The following PYGO1 variants were observed in gnomAD, a reference collection of about 807,000 sequenced individuals.
PYGO1 encodes the protein pygopus family PHD finger 1, also known as pygopus homolog 1.
Under a neutral mutation model 29.5 loss-of-function variants are expected in PYGO1, and 6 were observed. The observed-to-expected ratio is 0.20, with a 90% confidence interval of 0.11 to 0.40. The LOEUF (loss-of-function observed/expected upper bound fraction) is 0.40. Among genes scored for constraint, PYGO1 ranks in the 10% least tolerant of loss-of-function variants. The pLI, the probability that PYGO1 is intolerant of heterozygous loss-of-function variation, is 1.00. For missense variants in PYGO1, 515 were observed against 514.9 expected (o/e 1.00, Z 0.00); for synonymous variants, 186 against 180.5 (o/e 1.03, Z -0.24).
At chr15:55,583,983 C>T (rs2059036087) in intron 1 of PYGO1, among the ~76,000 whole-genome samples, 1 of 152,186 alleles carries the variant, frequency 6.6e-6, no homozygotes, top group Non-Finnish European at 1.5e-5. Flanking sequence ...TTCCTTGATT[C>T]CCCAAAAGAT....
At chr15:55,576,442 C>T (rs1187068988) in intron 1 of PYGO1, among the ~76,000 whole-genome samples, 1 of 64,250 alleles carries the variant, frequency 1.6e-5, no homozygotes, top group African/African-American at 6.2e-5. Context: ...GGCGACAGAG[C>T]GAGACTCCGT....
At chr15:55,549,377 AAGTACACAC>A (rs1476471724) in intron 1 of PYGO1, among the ~76,000 whole-genome samples, 1 of 152,206 alleles carries the variant, frequency 6.6e-6, no homozygotes, top group African/African-American at 2.4e-5. Flanking sequence ...AAATGAGACA[AAGTACACAC>A]AGTACACACA....
At chr15:55,552,564 C>CA (rs914728551) in intron 1 of PYGO1, among the ~76,000 whole-genome samples, 16 of 147,450 alleles carry the variant, frequency 1.1e-4, no homozygotes, top group South Asian at 4.4e-4. Context: ...AGCATGGAGC[C>CA]AAAAAAAAAG....
At position 55,563,445 on chromosome 15, in the gene PYGO1, C is replaced by T. The variant is rs539937325; in HGVS notation, c.50-14450G>A. ...GCAGTGGCACAATCTTGGCTCACTT[C>T]AACCTCTGCATCCTGGGTTCACGTG... On this transcript the variant is annotated intron_variant, in intron 1 of 2. Transcript: ENST00000563719. Among the ~76,000 whole-genome samples the T allele has an allele frequency of 4.4e-4, 65 of 146,848 alleles. 1 individual carries two copies. The South Asian group carries it at 9.5e-3, about 21-fold the overall frequency.
intron 1 of PYGO1, among the ~76,000 whole-genome samples, chr15:55,578,158 T>C (rs886983023): frequency 1.1e-4 from 17 of 152,256 alleles, no homozygotes; most frequent in Admixed American, 9.2e-4. Flanking sequence ...ATCCATGTTG[T>C]AGTATGTATC....
rs1325807378 is a variant in PYGO1 at position 55,545,259 on chromosome 15, A to G, written c.*764T>C. ...CAATAAACAATAACAAGACAACTCA[A>G]TATCAAAGAAAAGTAGGAGCATAAT... On this transcript the variant is annotated 3_prime_UTR_variant, in exon 3 of 3. Transcript: ENST00000563719. 6.6e-6 allele frequency: 1 copy of G among 152,232 alleles called. No homozygotes were observed. Among genetic ancestry groups the G allele is most frequent in the African/African-American group, 2.4e-5 (1 of 41,464 alleles). 9.4% of individuals were successfully genotyped at this position (152,232 alleles called of 1,614,324 possible).
In PYGO1 at chr15:55,543,673, T is replaced by A. The variant is rs2058837371; in HGVS notation, c.*2350A>T. ...GAGATAAAGGGTTTAAGAAACTGCATAATTGATTTTAGTAATGATCACAAC... is the reference window on the plus strand; with the variant it reads ...GAGATAAAGGGTTTAAGAAACTGCAAAATTGATTTTAGTAATGATCACAAC... On this transcript the variant is annotated 3_prime_UTR_variant, in exon 3 of 3. Coordinates refer to ENST00000563719, the MANE Select transcript of PYGO1 (RefSeq NM_001367806.1). 1 of 152,144 alleles carries A rather than the reference T, an allele frequency of 6.6e-6. No homozygotes were observed. Among genetic ancestry groups the A allele is most frequent in the Non-Finnish European group, 1.5e-5 (1 of 68,012 alleles). The allele number at this position is 152,144 out of a possible 1,614,324, so 9.4% of individuals were successfully genotyped here.
intron 1 of PYGO1, among the ~76,000 whole-genome samples, chr15:55,577,750 A>G (rs946381939): frequency 1.3e-5 from 2 of 148,882 alleles, no homozygotes; most frequent in African/African-American, 4.9e-5. Context: ...CCACCCCCTG[A>G]CAATTACTAA....
chr15:55,572,956 T>A (rs1044238274), intron 1 of PYGO1, among the ~76,000 whole-genome samples: 1 of 150,456 alleles, frequency 6.6e-6, no homozygotes, highest in Non-Finnish European at 1.5e-5. Flanking sequence ...GAGGATCACT[T>A]GAGGTCAGGA....
chr15:55,542,900 G>A lies in PYGO1; in HGVS notation c.*3123C>T, dbSNP rs1321700348. ...GCCGAGATCTCATCACTGCACTCCA[G>A]CCTGGGCAACAGAGCAAGACTGGCA... On this transcript the variant is annotated 3_prime_UTR_variant, in exon 3 of 3. Transcript: ENST00000563719. 6.6e-6 allele frequency: 1 copy of A among 152,080 alleles called. No individual in the cohort carries two copies. Among genetic ancestry groups the A allele is most frequent in the Non-Finnish European group, 1.5e-5 (1 of 68,106 alleles). 9.4% of individuals were successfully genotyped at this position (152,080 alleles called of 1,614,324 possible).
intron 1 of PYGO1, among the ~76,000 whole-genome samples, chr15:55,569,198 T>G (rs1299968875): frequency 6.6e-6 from 1 of 152,166 alleles, no homozygotes; most frequent in Non-Finnish European, 1.5e-5. Flanking sequence ...GAATTTCTAG[T>G]AGAATTCAGC....
chr15:55,587,391 G>A (rs192297308), intron 1 of PYGO1, among the ~76,000 whole-genome samples: 21 of 150,310 alleles, frequency 1.4e-4, no homozygotes, highest in Non-Finnish European at 2.8e-4. Flanking sequence ...GGCGAGAAGG[G>A]GGCCAGGAGA....
In PYGO1 at chr15:55,546,574, G is replaced by C. The variant is rs143461426; in HGVS notation, c.709C>G (p.Pro237Ala). 2.5e-6 allele frequency: 4 copies of C among 1,614,024 alleles called. No homozygotes were observed. The highest frequency in any genetic ancestry group is 2.7e-5 in the African/African-American group (2 of 74,968). Residue 237 changes from proline (P) to alanine (A), a missense_variant, in exon 3 of 3, where the codon CCA becomes GCA. Pro to Ala is a conservative substitution (Grantham distance 27). Coordinates refer to ENST00000563719, the MANE Select transcript of PYGO1 (RefSeq NM_001367806.1). ...NTFGQAKAPP[P>A]KQDFTQGATK... ...GCTCCTTGAGTAAAGTCTTGTTTTG[G>C]GGGTGGTGCTTTTGCTTGACCAAAA...
At chr15:55,552,345 A>T (rs998352494) in intron 1 of PYGO1, among the ~76,000 whole-genome samples, 1 of 130,542 alleles carries the variant, frequency 7.7e-6, no homozygotes, top group Non-Finnish European at 1.6e-5. Context: ...TGGGCAAAAG[A>T]GCGAGACTCT....
chr15:55,582,797 A>T lies in PYGO1; in HGVS notation c.49+5038T>A, dbSNP rs573724948. On this transcript the variant is annotated intron_variant, in intron 1 of 2. Coordinates refer to ENST00000563719, the MANE Select transcript of PYGO1 (RefSeq NM_001367806.1). ...GCTCTTACATGGACCAATTTTAAAAACAAAAACAAAAAATCCTTTCCTTCA... is the reference window on the plus strand; with the variant it reads ...GCTCTTACATGGACCAATTTTAAAATCAAAAACAAAAAATCCTTTCCTTCA... Among the ~76,000 whole-genome samples, 4 of 152,282 alleles carry T rather than the reference A, an allele frequency of 2.6e-5. No individual in the cohort carries two copies. In the East Asian group the frequency reaches 7.7e-4, roughly 29 times the overall value.
chr15:55,584,441 C>T (rs1256220261), intron 1 of PYGO1, among the ~76,000 whole-genome samples: 1 of 152,164 alleles, frequency 6.6e-6, no homozygotes, highest in Admixed American at 6.5e-5. Flanking sequence ...TGCATTCCCA[C>T]TATATGGCAC....
chr15:55,540,195 T>C lies in PYGO1; in HGVS notation c.*5828A>G, dbSNP rs2141636672. The C allele has an allele frequency of 1.3e-5, 2 of 152,226 alleles. No individual in the cohort carries two copies. Among genetic ancestry groups the C allele is most frequent in the East Asian group, 3.9e-4 (2 of 5,190 alleles). 9.4% of individuals were successfully genotyped at this position (152,226 alleles called of 1,614,324 possible). ...ATTACCAAATCCTTTCATTAGGTAG[T>C]ACCAAGTAAACAGCATTCAAGTCCT... On this transcript the variant is annotated 3_prime_UTR_variant, in exon 3 of 3. Transcript: ENST00000563719.
At chr15:55,557,341 G>C (rs1316695956) in intron 1 of PYGO1, among the ~76,000 whole-genome samples, 9 of 152,172 alleles carry the variant, frequency 5.9e-5, no homozygotes, top group Non-Finnish European at 1.0e-4. Flanking sequence ...TGAAATTGAG[G>C]CAATAATTAA....
At chr15:55,577,282 C>A (rs1329311496) in intron 1 of PYGO1, among the ~76,000 whole-genome samples, 1 of 152,116 alleles carries the variant, frequency 6.6e-6, no homozygotes, top group African/African-American at 2.4e-5. Context: ...CTGCCTATGA[C>A]CTGGACGCCT....
Sources: allele counts gnomAD v4.1 joint callset (sites outside exome capture counted in the v4.1 genomes callset), GRCh38; gene constraint gnomAD v4.1.1; transcripts MANE v1.5; gene names NCBI Gene and HGNC (gene_info 2026-07-23, HGNC 2026-07-21).